PPM1H: variants seen among roughly 807,000 people sequenced by gnomAD.
PPM1H encodes protein phosphatase 1H.
A neutral mutation model predicts 54.9 loss-of-function variants in PPM1H; 27 were observed. That is an observed-to-expected ratio of 0.49 (90% CI 0.36 to 0.68). The LOEUF (loss-of-function observed/expected upper bound fraction) is 0.68. Ranked by LOEUF, PPM1H falls within the 30% of genes least tolerant of loss-of-function variation. The probability of loss-of-function intolerance (pLI) is 0.00; values close to 1 mark genes in which losing one functional copy is unlikely to be tolerated. For synonymous variants in PPM1H, 305 were observed against 270.8 expected (o/e 1.13, Z -1.24); for missense variants, 596 against 667.8 (o/e 0.89, Z 1.19).
At chr12:62,700,977 A>G (rs2076140828) in intron 6 of PPM1H, among the ~76,000 whole-genome samples, 1 of 151,960 alleles carries the variant, frequency 6.6e-6, no homozygotes, top group African/African-American at 2.4e-5. Flanking sequence ...TTACTTCCTT[A>G]CTATGGTTAT....
intron 4 of PPM1H, among the ~76,000 whole-genome samples, chr12:62,779,120 T>C (rs184839239): frequency 6.6e-6 from 1 of 152,050 alleles, no homozygotes. Context: ...TCACTGCAAC[T>C]TCCACCTCCC....
At chr12:62,927,675 A>G (rs1446301451) in intron 1 of PPM1H, among the ~76,000 whole-genome samples, 3 of 151,338 alleles carry the variant, frequency 2.0e-5, no homozygotes, top group Admixed American at 1.3e-4. Context: ...AAAAAAAAAA[A>G]GAAAAGAAAA....
intron 3 of PPM1H, among the ~76,000 whole-genome samples, chr12:62,790,938 T>C (rs186497410): frequency 2.9e-4 from 44 of 152,334 alleles, no homozygotes; most frequent in African/African-American, 8.7e-4. Context: ...GTAGGATATC[T>C]GGACCCTTCC....
chr12:62,776,470 GT>G (rs531756654), intron 4 of PPM1H, among the ~76,000 whole-genome samples: 2 of 152,308 alleles, frequency 1.3e-5, no homozygotes, highest in East Asian at 3.9e-4. Context: ...TGAAGGCAGG[GT>G]TTTTTTGATC....
At chr12:62,710,200 T>G (rs1021083508) in intron 6 of PPM1H, among the ~76,000 whole-genome samples, 5 of 152,002 alleles carry the variant, frequency 3.3e-5, no homozygotes, top group Non-Finnish European at 5.9e-5. Context: ...CCCAGCTTCT[T>G]GGGTATGGTT....
chr12:62,900,996 C>T (rs1467999294), intron 1 of PPM1H, among the ~76,000 whole-genome samples: 1 of 152,172 alleles, frequency 6.6e-6, no homozygotes, highest in Non-Finnish European at 1.5e-5. Flanking sequence ...GGTCTTTCCC[C>T]CTTACTGCCA....
intron 1 of PPM1H, among the ~76,000 whole-genome samples, chr12:62,862,164 G>C (rs915617406): frequency 6.6e-6 from 1 of 152,156 alleles, no homozygotes; most frequent in Non-Finnish European, 1.5e-5. Context: ...AGAGCGGGCT[G>C]CTGACCTAAA....
intron 4 of PPM1H, among the ~76,000 whole-genome samples, chr12:62,761,807 G>A (rs74098832): frequency 6.6e-6 from 1 of 152,200 alleles, no homozygotes. Context: ...AGCACTCATG[G>A]GGGCATGATC....
chr12:62,659,269 C>CAAAAAAAAAAAGAAAAAA (rs2075867108), intron 9 of PPM1H: 1 of 90,798 alleles, frequency 1.1e-5, no homozygotes, highest in Non-Finnish European at 2.1e-5. Flanking sequence ...GTAAAAACTG[C>CAAAAAAAAAAAGAAAAAA]AAAAAAAAAA....
intron 1 of PPM1H, among the ~76,000 whole-genome samples, chr12:62,836,627 TTG>T (rs368454852): frequency 1.3e-5 from 2 of 151,618 alleles, no homozygotes; most frequent in African/African-American, 2.4e-5. Context: ...CTTATTAAGA[TTG>T]TGTGTGTGTG....
rs200553056 is a variant in PPM1H, at chr12:62,802,007, G to A, written c.565C>T (p.Pro189Ser). The change falls in exon 3 of 10, where the codon CCT becomes TCT. Residue 189 changes from proline (P) to serine (S), a missense_variant. Pro to Ser is a moderately conservative substitution (Grantham distance 74). This residue lies in a region of PPM1H where 382 missense variants were observed against 387.1 expected (regional missense o/e 0.99). Coordinates refer to ENST00000228705, the MANE Select transcript of PPM1H (RefSeq NM_020700.2). ...TCAGGCTCCTCCCCCAGGCAGGTAG[G>A]GGGCAGGACGGCGGAGTTCTTCAGG... ...DILKNSAVLP[P>S]TCLGEEPENT... is the part of the protein sequence containing the mutation. 5 of 1,613,488 alleles carry A rather than the reference G, an allele frequency of 3.1e-6. No homozygotes were observed. Among genetic ancestry groups the A allele is most frequent in the Non-Finnish European group, 4.2e-6 (5 of 1,179,720 alleles).
chr12:62,770,608 A>G (rs1203663807), intron 4 of PPM1H, among the ~76,000 whole-genome samples: 1 of 152,160 alleles, frequency 6.6e-6, no homozygotes, highest in African/African-American at 2.4e-5. Context: ...TGGAAGGACC[A>G]TGTGTCTTTG....
chr12:62,646,855 T>A lies in PPM1H; in HGVS notation c.*1634A>T, dbSNP rs2075788248. ...CGACAACTCCAGAAATGCAGGTGATTTACTGCCCTGGAGGAGAGGTTCCTA... is the reference window on the plus strand; with the variant it reads ...CGACAACTCCAGAAATGCAGGTGATATACTGCCCTGGAGGAGAGGTTCCTA... On this transcript the variant is annotated 3_prime_UTR_variant, in exon 10 of 10. Transcript: ENST00000228705. 1 of 152,222 alleles carries A rather than the reference T, an allele frequency of 6.6e-6. No individual in the cohort carries two copies. The highest frequency in any genetic ancestry group is 1.5e-5 in the Non-Finnish European group (1 of 68,048). 9.4% of individuals were successfully genotyped at this position (152,222 alleles called of 1,614,324 possible). A position where few individuals can be genotyped will look rare whatever the true frequency, so the allele number is the denominator to read the frequency against.
intron 2 of PPM1H, among the ~76,000 whole-genome samples, chr12:62,816,127 G>T (rs1002633388): frequency 1.3e-5 from 2 of 152,122 alleles, no homozygotes; most frequent in African/African-American, 4.8e-5. Flanking sequence ...TTCTCAAAGA[G>T]ATTTTCCTGC....
At chr12:62,683,584 G>A (rs2076035301) in intron 8 of PPM1H, among the ~76,000 whole-genome samples, 1 of 152,122 alleles carries the variant, frequency 6.6e-6, no homozygotes. Context: ...TAAGTGATCT[G>A]GAGTTATAAA....
At chr12:62,713,488 C>G (rs1312135165) in intron 6 of PPM1H, among the ~76,000 whole-genome samples, 1 of 152,032 alleles carries the variant, frequency 6.6e-6, no homozygotes, top group African/African-American at 2.4e-5. Flanking sequence ...TTCTTGGTGG[C>G]CCAAAAGTGA....
At chr12:62,688,347 C>T (rs139675339) in intron 8 of PPM1H, among the ~76,000 whole-genome samples, 103 of 152,096 alleles carry the variant, frequency 6.8e-4, no homozygotes, top group East Asian at 9.7e-4. Context: ...GCTGAACCAA[C>T]GCCAGCAGCC....
intron 9 of PPM1H, among the ~76,000 whole-genome samples, chr12:62,651,271 A>G (rs767285961): frequency 6.6e-6 from 1 of 152,210 alleles, no homozygotes; most frequent in Non-Finnish European, 1.5e-5. Flanking sequence ...CACATTACCC[A>G]TGAGACATGG....
At chr12:62,687,158 T>G (rs1438141362) in intron 8 of PPM1H, among the ~76,000 whole-genome samples, 1 of 152,226 alleles carries the variant, frequency 6.6e-6, no homozygotes, top group Admixed American at 6.5e-5. Flanking sequence ...GCTGAGAGCT[T>G]TCCGCTGTGG....
Sources: gnomAD v4.1 joint callset for allele counts (sites outside exome capture counted in the v4.1 genomes callset) on GRCh38, gnomAD v4.1.1 for gene constraint, gnomAD v4.1.1 regional missense constraint, MANE v1.5 for transcripts, NCBI Gene and HGNC (gene_info 2026-07-23, HGNC 2026-07-21) for gene names.